CACNA2D4: variants seen among roughly 807,000 people sequenced by gnomAD.
The protein encoded by CACNA2D4 is voltage-dependent calcium channel subunit alpha-2/delta-4.
Under a neutral mutation model 163.8 loss-of-function variants are expected in CACNA2D4, and 157 were observed. The observed-to-expected ratio is 0.96, with a 90% CI of 0.84 to 1.09. CACNA2D4 has a LOEUF of 1.09. CACNA2D4 is among the 50% of genes least tolerant of loss of function. The pLI is 0.00. For synonymous variants in CACNA2D4, 598 were observed against 586.9 expected, an observed-to-expected ratio of 1.02 and a Z score of -0.27; for missense variants, 1,410 against 1,479.9, an observed-to-expected ratio of 0.95 and a Z score of 0.78.
chr12:1,846,089 G>A (rs561740626), intron 24 of CACNA2D4, among the ~76,000 whole-genome samples: 122 of 152,230 alleles, frequency 8.0e-4, no homozygotes, highest in African/African-American at 2.8e-3. Context: ...GGCTCAAGAA[G>A]GCACTGCGGG....
intron 1 of CACNA2D4, among the ~76,000 whole-genome samples, chr12:1,916,551 A>AC (rs71441667): frequency 5.5e-5 from 7 of 126,616 alleles, no homozygotes; most frequent in South Asian, 2.8e-4. Flanking sequence ...GCTGGGGAGC[A>AC]CCCCCCACCT....
intron 26 of CACNA2D4, among the ~76,000 whole-genome samples, chr12:1,831,919 A>C (rs1264749511): frequency 6.6e-6 from 1 of 152,192 alleles, no homozygotes; most frequent in Non-Finnish European, 1.5e-5. Flanking sequence ...TGGTAGAAGG[A>C]GGGAGAAAAA....
chr12:1,804,223 T>C (rs1224351695), intron 29 of CACNA2D4, among the ~76,000 whole-genome samples: 1 of 151,636 alleles, frequency 6.6e-6, no homozygotes, highest in African/African-American at 2.4e-5. Context: ...TCCACTTCTG[T>C]CCCACAGCAC....
At chr12:1,886,471 C>A (rs941532330) in intron 7 of CACNA2D4, 98 bp from the exon 8 acceptor site, 3 of 1,151,854 alleles carry the variant, frequency 2.6e-6, no homozygotes, top group African/African-American at 3.1e-5. Context: ...GATGCTGGCT[C>A]GAGCCCACCC....
intron 26 of CACNA2D4, among the ~76,000 whole-genome samples, chr12:1,822,870 C>T (rs1261068372): frequency 2.0e-5 from 3 of 152,200 alleles, no homozygotes; most frequent in African/African-American, 4.8e-5. Flanking sequence ...CATGGAATCT[C>T]GGGCCGTCTT....
intron 13 of CACNA2D4, among the ~76,000 whole-genome samples, chr12:1,880,151 C>T (rs1865964268): frequency 1.3e-5 from 2 of 152,250 alleles, no homozygotes; most frequent in African/African-American, 2.4e-5. Flanking sequence ...GCCCCAAGCA[C>T]ATTCACTAAG....
chr12:1,824,217 C>G (rs1349989964), intron 26 of CACNA2D4, among the ~76,000 whole-genome samples: 1 of 152,168 alleles, frequency 6.6e-6, no homozygotes, highest in African/African-American at 2.4e-5. Flanking sequence ...CTGAGAGGTG[C>G]CCGGCCTAGT....
In CACNA2D4 at chr12:1,869,250, A is replaced by G. The variant is rs557289337; in HGVS notation, c.1878+5354T>C. On this transcript the variant is annotated intron_variant, in intron 18 of 37. Transcript: ENST00000382722. The surrounding 1 kb of genome is among the most constrained non-coding windows in gnomAD (Gnocchi z 4.7). ...GGTCAGCCAAAGAGAAGTGTGTGTG[A>G]GATTTGCAGACAGAAGTGCAGCAGT... Among the ~76,000 whole-genome samples, 2 of 152,350 alleles carry G rather than the reference A, an allele frequency of 1.3e-5. No individual in the cohort carries two copies. The highest frequency in any genetic ancestry group is 3.9e-4 in the East Asian group (2 of 5,188).
chr12:1,858,336 T>G (rs1393121138), intron 20 of CACNA2D4, among the ~76,000 whole-genome samples: 1 of 152,100 alleles, frequency 6.6e-6, no homozygotes, highest in Non-Finnish European at 1.5e-5. Context: ...AAACTAGCAG[T>G]GCGGTTGGCA....
chr12:1,875,189 T>A lies in CACNA2D4; in HGVS notation c.1806+62A>T. 4 of 1,159,112 alleles carry A rather than the reference T, an allele frequency of 3.5e-6. No individual in the cohort carries two copies. Among genetic ancestry groups the A allele is most frequent in the Non-Finnish European group, 5.2e-6 (4 of 766,288 alleles). The allele number at this position is 1,159,112 out of a possible 1,614,324, so 71.8% of individuals were successfully genotyped here. On this transcript the variant is annotated intron_variant, in intron 17 of 37. Coordinates refer to ENST00000382722, the MANE Select transcript of CACNA2D4 (RefSeq NM_172364.5). This position sits in a 1 kb window ranked among gnomAD's most constrained non-coding sequence, Gnocchi z 4.0. ...ACCTCAAAGCTCACAGCCACACAGCTGACCCATTTAGTTGGATGTAGAGCC... is the reference window on the plus strand; with the variant it reads ...ACCTCAAAGCTCACAGCCACACAGCAGACCCATTTAGTTGGATGTAGAGCC...
intron 1 of CACNA2D4, among the ~76,000 whole-genome samples, chr12:1,916,654 G>A (rs927434767): frequency 2.0e-5 from 3 of 152,326 alleles, no homozygotes; most frequent in Admixed American, 1.3e-4. Flanking sequence ...CGGAAGTCAA[G>A]GACTGGGATA....
intron 18 of CACNA2D4, among the ~76,000 whole-genome samples, chr12:1,870,110 G>A (rs1460838303): frequency 6.6e-6 from 1 of 152,178 alleles, no homozygotes; most frequent in East Asian, 1.9e-4. Context: ...CTCCTAAGGT[G>A]TAGTTCTTCT....
In CACNA2D4 at chr12:1,853,983, G is replaced by A; in HGVS notation, c.2214C>T (p.Ala738=). The A allele has an allele frequency of 1.9e-6, 3 of 1,613,308 alleles. No homozygotes were observed. The highest frequency in any genetic ancestry group is 1.3e-5 in the African/African-American group (1 of 75,004). ...FDAVVTAPME[A]YWTALALNMS... is the part of the protein sequence containing the mutation. ...TGTTGAGGGCCAGCGCTGTCCAGTA[G>A]GCTTCCATGGGGGCTGTCACCACCG... Residue 738 remains alanine (A), a synonymous_variant, in exon 23 of 38, where the codon GCC becomes GCT. Coordinates refer to ENST00000382722, the MANE Select transcript of CACNA2D4 (RefSeq NM_172364.5).
intron 26 of CACNA2D4, among the ~76,000 whole-genome samples, chr12:1,822,480 C>T (rs1864145156): frequency 6.8e-6 from 1 of 146,378 alleles, no homozygotes; most frequent in African/African-American, 2.5e-5. Context: ...AGGGACACCA[C>T]CCTGAGCCCG....
intron 6 of CACNA2D4, among the ~76,000 whole-genome samples, chr12:1,899,145 A>T (rs1229236676): frequency 6.6e-6 from 1 of 152,140 alleles, no homozygotes. Context: ...CTCACTACCA[A>T]TCAAAACCTG....
chr12:1,825,279 G>A (rs1864268359), intron 26 of CACNA2D4, among the ~76,000 whole-genome samples: 1 of 152,224 alleles, frequency 6.6e-6, no homozygotes, highest in African/African-American at 2.4e-5. Flanking sequence ...GCCTATCCAG[G>A]GGAGGCAGAA....
chr12:1,837,518 C>A (rs78615627), intron 26 of CACNA2D4, among the ~76,000 whole-genome samples: 1 of 152,072 alleles, frequency 6.6e-6, no homozygotes, highest in African/African-American at 2.4e-5. Flanking sequence ...GCGAGCTCAA[C>A]GCCCGGCCCG....
At chr12:1,862,903 T>G (rs1178599871) in intron 18 of CACNA2D4, among the ~76,000 whole-genome samples, 1 of 152,244 alleles carries the variant, frequency 6.6e-6, no homozygotes, top group Admixed American at 6.5e-5. Flanking sequence ...TTCTTACTGG[T>G]GCCTTTTGAG....
intron 6 of CACNA2D4, among the ~76,000 whole-genome samples, chr12:1,905,600 G>T (rs1426345898): frequency 6.6e-6 from 1 of 150,952 alleles, no homozygotes; most frequent in African/African-American, 2.5e-5. Context: ...TCCTATTTAT[G>T]ATAACATCAA....
Sources: allele counts gnomAD v4.1 joint callset (sites outside exome capture counted in the v4.1 genomes callset), GRCh38; gene constraint gnomAD v4.1.1; non-coding constraint Gnocchi (gnomAD v3.1); transcripts MANE v1.5; gene names NCBI Gene and HGNC (gene_info 2026-07-23, HGNC 2026-07-21).